Variants in EPS8L2 observed in about 807,000 individuals in gnomAD.
EPS8L2 encodes EPS8 signaling adaptor L2, also known as epidermal growth factor receptor kinase substrate 8-like protein 2.
EPS8L2 carries 81 observed loss-of-function variants against 99.4 expected under a neutral mutation model. The ratio of observed to expected loss-of-function variants is 0.82; its 90% CI spans 0.68 to 0.98. EPS8L2 has a LOEUF of 0.98. EPS8L2 is among the 50% of genes least tolerant of loss of function. EPS8L2 has a pLI of 0.00. For missense variants in EPS8L2, 1,155 were observed against 968.8 expected (o/e 1.19, Z -2.55); for synonymous variants, 509 against 407.3 (o/e 1.25, Z -3.01).
chr11:726,157 G>A lies in EPS8L2; in HGVS notation c.1740G>A (p.Pro580=). 6.2e-7 allele frequency: 1 copy of A among 1,609,132 alleles called. No individual in the cohort carries two copies. The highest frequency in any genetic ancestry group is 1.1e-5 in the South Asian group (1 of 90,788). Residue 580 remains proline, a synonymous_variant, in exon 18 of 21, where the codon CCG becomes CCA. Coordinates refer to ENST00000318562, the MANE Select transcript of EPS8L2 (RefSeq NM_022772.4). The stretch of plus-strand genomic sequence containing the variant: ...CCCACAAGCTACCCCCAAGCTTCCC[G>A]GGGAACAAAGACGGTGAGAGCTGCT... ...SPTHKLPPSF[P]GNKDELMQHM... is the part of the protein sequence containing the mutation.
intron 4 of EPS8L2, 82 bp downstream of exon 4, chr11:710,568 A>C (rs555303803): frequency 3.0e-5 from 38 of 1,276,378 alleles, no homozygotes; most frequent in East Asian, 1.2e-4. Flanking sequence ...GTCTCCACAA[A>C]AAATAAAATA....
At position 720,103 on chromosome 11, in the gene EPS8L2, G is replaced by T; in HGVS notation, c.207G>T (p.Thr69=). The T allele has an allele frequency of 1.2e-6, 2 of 1,613,336 alleles. No individual in the cohort carries two copies. The highest frequency in any genetic ancestry group is 2.2e-5 in the South Asian group (2 of 91,074). ...TFIMDKSEAI[T]SVDDAIRKLV... ...TCATGGACAAGAGCGAAGCCATCAC[G>T]TCTGTGGACGACGCCATCCGGAAGC... is the stretch of plus-strand genomic sequence containing the variant. Residue 69 remains threonine (T), a synonymous_variant, in exon 5 of 21, where the codon ACG becomes ACT. Coordinates refer to ENST00000318562, the MANE Select transcript of EPS8L2 (RefSeq NM_022772.4).
chr11:725,173 G>A (rs1294109465), intron 16 of EPS8L2, among the ~76,000 whole-genome samples: 2 of 152,230 alleles, frequency 1.3e-5, no homozygotes, highest in African/African-American at 2.4e-5. Flanking sequence ...CCGGAATCCA[G>A]GCCACCCACT....
rs767722803 is a variant in EPS8L2, at chr11:720,201, G to A, written c.305G>A (p.Arg102Gln). Residue 102 changes from arginine to glutamine, a missense_variant, in exon 5 of 21, where the codon CGG becomes CAG. Coordinates refer to ENST00000318562, the MANE Select transcript of EPS8L2 (RefSeq NM_022772.4). Reference protein sequence around the residue: ...MLLQVNDQSLRLLDIESQEEL... With the variant: ...MLLQVNDQSLQLLDIESQEEL... ...CTGCAGGTGAACGACCAGTCGCTGC[G>A]GCTGCTGGACATCGAGTCACAGGTG... 1.4e-5 allele frequency: 23 copies of A among 1,613,016 alleles called. No individual in the cohort carries two copies. Among genetic ancestry groups the A allele is most frequent in the South Asian group, 7.7e-5 (7 of 91,092 alleles).
In EPS8L2 at chr11:726,298, C is replaced by T. The variant is rs1290729130; in HGVS notation, c.1754-6C>T. Reference sequence around the variant, plus strand: ...AGCGGCGGGCCTGAGTCGCGCGCCCCCTCAGAGCTCATGCAGCACATGGAC... The same window carrying T: ...AGCGGCGGGCCTGAGTCGCGCGCCCTCTCAGAGCTCATGCAGCACATGGAC... On this transcript the variant is annotated splice_polypyrimidine_tract_variant and splice_region_variant and intron_variant, in intron 18 of 20. Transcript: ENST00000318562. 5 of 1,603,678 alleles carry T rather than the reference C, an allele frequency of 3.1e-6. No individual in the cohort carries two copies. Among genetic ancestry groups the T allele is most frequent in the Non-Finnish European group, 4.3e-6 (5 of 1,176,042 alleles).
chr11:725,496 G>A (rs1311591338), intron 16 of EPS8L2, among the ~76,000 whole-genome samples: 1 of 152,204 alleles, frequency 6.6e-6, no homozygotes, highest in African/African-American at 2.4e-5. Context: ...GGGCGGCAGA[G>A]TGAGACCCTG....
chr11:727,053 GTGTA>G lies in EPS8L2; in HGVS notation c.*78_*81del, dbSNP rs986481438. On this transcript the variant is annotated 3_prime_UTR_variant, in exon 21 of 21. Transcript: ENST00000318562. ...AATGCATGGAGTATTATTTTTATAT[GTGTA>G]TGTATTTTGTATCAAGGACACGGAG... 2.1e-5 allele frequency: 22 copies of G among 1,072,452 alleles called. No homozygotes were observed. In the African/African-American group the frequency reaches 3.0e-4, roughly 15 times the overall value. 66.4% of individuals were successfully genotyped at this position (1,072,452 alleles called of 1,614,324 possible).
chr11:709,599 G>A lies in EPS8L2; in HGVS notation c.91G>A (p.Asp31Asn). 2 of 1,613,144 alleles carry A rather than the reference G, an allele frequency of 1.2e-6. No homozygotes were observed. Among genetic ancestry groups the A allele is most frequent in the Non-Finnish European group, 8.5e-7 (1 of 1,179,932 alleles). Residue 31 changes from aspartate to asparagine, a missense_variant, in exon 3 of 21, where the codon GAC becomes AAC. Asp to Asn is a conservative substitution (Grantham distance 23, BLOSUM62 1). Transcript: ENST00000318562. ...CGGTGTGGCCAAGATGAGCCCCAAG[G>A]ACCTGTTTGGTGAGTGAGGTTTGAG... ...SDGVAKMSPK[D>N]LFEQRKKYSN...
At chr11:715,968 C>CTT (rs150677634) in intron 4 of EPS8L2, among the ~76,000 whole-genome samples, 3 of 91,568 alleles carry the variant, frequency 3.3e-5, no homozygotes, top group Non-Finnish European at 4.0e-5. Context: ...GATTATTTAT[C>CTT]TTTTTTTTTT....
intron 4 of EPS8L2, among the ~76,000 whole-genome samples, chr11:714,592 CATTTT>C (rs71464111): frequency 0.015 from 2,149 of 145,666 alleles, 18 homozygotes; most frequent in South Asian, 0.031. Flanking sequence ...GGCCAGGATC[CATTTT>C]ATTTTATTTT....
intron 1 of EPS8L2, among the ~76,000 whole-genome samples, chr11:707,547 G>A (rs1318576701): frequency 1.3e-5 from 2 of 152,218 alleles, no homozygotes; most frequent in African/African-American, 4.8e-5. Flanking sequence ...ACAGTACAAA[G>A]TGCAGCCTGG....
chr11:710,490 A>G lies in EPS8L2; in HGVS notation c.165+4A>G. ...GACCTCGCAGTACCACGTCCAGGTA[A>G]GGCCCCGCCCCCAGGTAGGCTCCGC... On this transcript the variant is annotated splice_donor_region_variant and intron_variant, in intron 4 of 20. Coordinates refer to ENST00000318562, the MANE Select transcript of EPS8L2 (RefSeq NM_022772.4). The G allele has an allele frequency of 6.2e-7, 1 of 1,613,542 alleles. No homozygotes were observed. The highest frequency in any genetic ancestry group is 8.5e-7 in the Non-Finnish European group (1 of 1,179,788).
intron 1 of EPS8L2, among the ~76,000 whole-genome samples, chr11:707,500 A>G (rs1423668116): frequency 1.3e-5 from 2 of 152,006 alleles, no homozygotes. Flanking sequence ...CTGACCGGGC[A>G]CCCCGCTCTG....
chr11:720,270 G>C (rs768563619), intron 5 of EPS8L2, 47 bp downstream of exon 5: 2 of 1,592,772 alleles, frequency 1.3e-6, no homozygotes, highest in Admixed American at 1.7e-5. Context: ...GGGTAGAGGC[G>C]GTGGCAGCCA....
At chr11:720,032 GC>G in intron 4 of EPS8L2, 29 bp from the exon 5 acceptor site, 3 of 1,595,044 alleles carry the variant, frequency 1.9e-6, no homozygotes, top group Non-Finnish European at 2.6e-6. Context: ...GGAGGGCTCT[GC>G]CCAGCAGTGA....
intron 1 of EPS8L2, among the ~76,000 whole-genome samples, chr11:708,407 G>C (rs1040583467): frequency 6.6e-6 from 1 of 152,220 alleles, no homozygotes; most frequent in African/African-American, 2.4e-5. Context: ...GCTCGGGGAA[G>C]AGGTCAGCAC....
chr11:711,498 A>G (rs948401840), intron 4 of EPS8L2, among the ~76,000 whole-genome samples: 6 of 151,826 alleles, frequency 4.0e-5, no homozygotes, highest in African/African-American at 1.5e-4. Context: ...GGCTGGCCCC[A>G]CCATGCCCAT....
chr11:717,026 G>C (rs988955575), intron 4 of EPS8L2, among the ~76,000 whole-genome samples: 1 of 152,140 alleles, frequency 6.6e-6, no homozygotes, highest in African/African-American at 2.4e-5. Flanking sequence ...GCCCAGGCTG[G>C]AATGCAATGG....
rs1363086561 is a variant in EPS8L2 at position 726,498 on chromosome 11, G to A, written c.1934+14G>A. On this transcript the variant is annotated intron_variant, in intron 19 of 20. Coordinates refer to ENST00000318562, the MANE Select transcript of EPS8L2 (RefSeq NM_022772.4). ...CTTCAGCCCGCGGTGAGCGGGGGCG[G>A]GGGATGAGCTGGGGCCCGGGCGAGG... The A allele has an allele frequency of 6.5e-7, 1 of 1,542,832 alleles. No individual in the cohort carries two copies. The highest frequency in any genetic ancestry group is 2.5e-5 in the East Asian group (1 of 40,722).
Sources: allele counts gnomAD v4.1 joint callset (sites outside exome capture counted in the v4.1 genomes callset), GRCh38; gene constraint gnomAD v4.1.1; transcripts MANE v1.5; gene names NCBI Gene and HGNC (gene_info 2026-07-23, HGNC 2026-07-21).